The following EIF3L variants were observed in gnomAD, a reference collection of about 807,000 sequenced individuals.
The protein encoded by EIF3L is eukaryotic translation initiation factor 3 subunit L, also known as eIEF associated protein HSPC021.
A neutral mutation model predicts 74.6 loss-of-function variants in EIF3L; 32 were observed. The ratio of observed to expected loss-of-function variants is 0.43; its 90% confidence interval spans 0.32 to 0.58. The LOEUF (loss-of-function observed/expected upper bound fraction) is 0.58, where lower values mean the gene tolerates loss of function less well. Among genes scored for constraint, EIF3L ranks in the 20% least tolerant of loss-of-function variants. The pLI is 0.06. For synonymous variants in EIF3L, 256 were observed against 254.4 expected (o/e 1.01, Z -0.06); for missense variants, 474 against 707.8 (o/e 0.67, Z 3.75).
chr22:37,880,430 G>A (rs917796109), intron 11 of EIF3L: 3 of 149,676 alleles, frequency 2.0e-5, no homozygotes, highest in African/African-American at 4.9e-5. Context: ...TTGAGACAAG[G>A]TCTCACTCTG....
At chr22:37,853,699 ATAT>A (rs988651393) in intron 3 of EIF3L, among the ~76,000 whole-genome samples, 33 of 152,212 alleles carry the variant, frequency 2.2e-4, no homozygotes, top group African/African-American at 8.0e-4. Context: ...TTTATTTAAA[ATAT>A]TATTTCTATA....
Position 37,878,036 on chromosome 22 carries a change from C to T in EIF3L, c.1440C>T (p.Asp480=), listed in dbSNP as rs757023793. ...TGGCCAAGCTGGCTGGCTTCCTGGA[C>T]CTCACAGAGCAGGAGTTCCGGATCC... The part of the protein sequence containing the change: ...MPVAKLAGFL[D]LTEQEFRIQL... The change falls in exon 11 of 13, where the codon GAC becomes GAT. Residue 480 remains aspartate (D), a synonymous_variant. Transcript: ENST00000652021. The T allele has an allele frequency of 5.6e-6, 9 of 1,613,900 alleles. No individual in the cohort carries two copies. Among genetic ancestry groups the T allele is most frequent in the East Asian group, 4.5e-5 (2 of 44,892 alleles).
intron 5 of EIF3L, among the ~76,000 whole-genome samples, chr22:37,861,577 G>A (rs1351388221): frequency 6.6e-5 from 10 of 151,956 alleles, no homozygotes; most frequent in African/African-American, 1.9e-4. Flanking sequence ...CCAGCTACTC[G>A]GGAGGCTGAG....
chr22:37,883,197 G>A (rs1273030936), intron 11 of EIF3L: 1 of 151,566 alleles, frequency 6.6e-6, no homozygotes, highest in Non-Finnish European at 1.5e-5. Flanking sequence ...TCCGGAGGCT[G>A]AGGCAGGAGA....
chr22:37,864,653 C>T (rs564852050), intron 7 of EIF3L, among the ~76,000 whole-genome samples: 5 of 151,558 alleles, frequency 3.3e-5, no homozygotes, highest in East Asian at 1.9e-4. Flanking sequence ...ATTCTCTTGT[C>T]TCAGCCTCCC....
intron 9 of EIF3L, 109 bp from the exon 10 acceptor site, chr22:37,875,732 C>T: frequency 2.0e-6 from 2 of 1,005,268 alleles, no homozygotes; most frequent in Admixed American, 4.8e-5. Flanking sequence ...TCCAGAGCTT[C>T]CTCTGGATAG....
At chr22:37,873,290 A>G (rs1437927612) in intron 8 of EIF3L, among the ~76,000 whole-genome samples, 1 of 142,952 alleles carries the variant, frequency 7.0e-6, no homozygotes, top group Non-Finnish European at 1.5e-5. Flanking sequence ...TCAGTTGCGT[A>G]TCAGTTTTTT....
intron 4 of EIF3L, among the ~76,000 whole-genome samples, chr22:37,857,371 A>G (rs1429378258): frequency 6.9e-6 from 1 of 145,660 alleles, no homozygotes; most frequent in Admixed American, 6.8e-5. Context: ...CTGCGTCCCA[A>G]AAAAAAAAAA....
At chr22:37,858,627 A>G (rs1338934650) in intron 4 of EIF3L, 52 bp from the exon 5 acceptor site, 6 of 1,534,762 alleles carry the variant, frequency 3.9e-6, no homozygotes, top group Non-Finnish European at 5.4e-6. Context: ...TAAAGCTGCC[A>G]GGATACCCCA....
Position 37,849,455 on chromosome 22 carries a change from T to G in EIF3L, c.6T>G (p.Ser2=). The G allele has an allele frequency of 1.2e-6, 2 of 1,613,024 alleles. No homozygotes were observed. The highest frequency in any genetic ancestry group is 1.7e-6 in the Non-Finnish European group (2 of 1,179,442). ...TGCTCGCAAGCGAGGCAGCCATGTC[T>G]TATCCCGCTGATGATTATGAGTCTG... M[S]YPADDYESEA... is the part of the protein sequence containing the mutation. Residue 2 remains serine, a synonymous_variant, in exon 1 of 13, where the codon TCT becomes TCG. Transcript: ENST00000652021.
intron 11 of EIF3L, chr22:37,878,398 A>T: frequency 3.3e-6 from 1 of 305,616 alleles, no homozygotes; most frequent in Non-Finnish European, 6.0e-6. Flanking sequence ...TGGGCAACGT[A>T]GTGAGACCTT....
chr22:37,866,228 G>A (rs1926143479), intron 7 of EIF3L, among the ~76,000 whole-genome samples: 1 of 152,142 alleles, frequency 6.6e-6, no homozygotes, highest in African/African-American at 2.4e-5. Context: ...CATTTACTGT[G>A]ACTTGTTAAC....
intron 4 of EIF3L, among the ~76,000 whole-genome samples, chr22:37,858,335 C>A (rs1925654572): frequency 1.4e-5 from 2 of 146,152 alleles, no homozygotes; most frequent in South Asian, 4.4e-4. Flanking sequence ...AGCGATCCTC[C>A]CACCTTAGCC....
At chr22:37,871,496 G>A (rs1471781249) in intron 8 of EIF3L, among the ~76,000 whole-genome samples, 1 of 150,594 alleles carries the variant, frequency 6.6e-6, no homozygotes. Context: ...TTATAATAAA[G>A]TTACTTTCAG....
intron 7 of EIF3L, among the ~76,000 whole-genome samples, chr22:37,867,071 T>C (rs910954521): frequency 1.1e-4 from 17 of 152,270 alleles, no homozygotes; most frequent in Admixed American, 9.8e-4. Flanking sequence ...GGGTCTTGCC[T>C]TTATGGTCCA....
chr22:37,886,651 C>T (rs865786436), intron 11 of EIF3L, 114 bp from the exon 12 acceptor site: 33 of 754,072 alleles, frequency 4.4e-5, no homozygotes, highest in Non-Finnish European at 4.3e-5. Context: ...TTTTCCCCAC[C>T]TTTACATCTA....
intron 5 of EIF3L, among the ~76,000 whole-genome samples, chr22:37,860,641 A>G (rs1177984807): frequency 6.6e-6 from 1 of 152,146 alleles, no homozygotes; most frequent in Non-Finnish European, 1.5e-5. Context: ...CCAAAGTGCT[A>G]AGATTACAGG....
At chr22:37,853,439 C>T (rs947285240) in intron 3 of EIF3L, among the ~76,000 whole-genome samples, 2 of 152,152 alleles carry the variant, frequency 1.3e-5, no homozygotes, top group African/African-American at 2.4e-5. Flanking sequence ...CTTTATTCCC[C>T]GGGTCTTTTC....
intron 8 of EIF3L, among the ~76,000 whole-genome samples, chr22:37,873,580 A>T (rs1224090315): frequency 1.3e-5 from 2 of 152,056 alleles, no homozygotes; most frequent in African/African-American, 4.8e-5. Flanking sequence ...GGCGTGAGCC[A>T]CCGCTCCCGA....
Sources: allele counts gnomAD v4.1 joint callset (sites outside exome capture counted in the v4.1 genomes callset), GRCh38; gene constraint gnomAD v4.1.1; transcripts MANE v1.5; gene names NCBI Gene and HGNC (gene_info 2026-07-23, HGNC 2026-07-21).